The following STPG2 variants were observed in gnomAD, a reference collection of about 807,000 sequenced individuals.
STPG2 encodes sperm tail PG-rich repeat containing 2, also known as sperm-tail PG-rich repeat-containing protein 2.
In STPG2, 56 loss-of-function variants were observed where a neutral mutation model predicts 54.2. The ratio of observed to expected loss-of-function variants is 1.03; its 90% CI spans 0.83 to 1.29. The LOEUF is 1.29. Ranked by LOEUF, STPG2 falls within the 50% of genes most tolerant of loss-of-function variation. STPG2 has a pLI of 0.00. For missense variants in STPG2, 596 were observed against 544.9 expected (o/e 1.09, Z -0.93); for synonymous variants, 200 against 181.8 (o/e 1.10, Z -0.81).
rs190011850 is a variant in STPG2, at chr4:98,066,918, T to C, written c.612+39035A>G. 4.2e-3 allele frequency among the ~76,000 whole-genome samples: 647 copies of C among 152,324 alleles called. 4 individuals are homozygous for C. Among genetic ancestry groups the C allele is most frequent in the South Asian group, 0.019 (92 of 4,830 alleles). On this transcript the variant is annotated intron_variant, in intron 5 of 10. Coordinates refer to ENST00000295268, the MANE Select transcript of STPG2 (RefSeq NM_174952.3). ...GTTATGGTTCTTTTTATTAAATATA[T>C]AATATGTATTCAGAAACACAGAGAA...
Position 97,559,123 on chromosome 4 carries a change from T to G in STPG2, c.1321-6A>C. The G allele has an allele frequency of 6.3e-7, 1 of 1,583,308 alleles. No individual in the cohort carries two copies. Among genetic ancestry groups the G allele is most frequent in the Non-Finnish European group, 8.6e-7 (1 of 1,164,048 alleles). On this transcript the variant is annotated splice_region_variant and splice_polypyrimidine_tract_variant and intron_variant, in intron 10 of 10. Coordinates refer to ENST00000295268, the MANE Select transcript of STPG2 (RefSeq NM_174952.3). ...TTCTTTTTCTCCTGGGATATCTGTT[T>G]AATAAGAATGAGAAAAAAAGGAGGA...
At chr4:97,626,545 C>T (rs946437195) in intron 10 of STPG2, among the ~76,000 whole-genome samples, 1 of 152,084 alleles carries the variant, frequency 6.6e-6, no homozygotes, top group East Asian at 1.9e-4. Context: ...CTCCCCAGGG[C>T]AAAGTCTGTC....
chr4:97,475,559 T>C (rs1032094561), intron 4 of STPG2, among the ~76,000 whole-genome samples: 2 of 151,772 alleles, frequency 1.3e-5, no homozygotes, highest in African/African-American at 4.8e-5. Flanking sequence ...TTCCATATAA[T>C]ATTGTGTACT....
chr4:97,883,294 G>A (rs1448887448), intron 8 of STPG2, among the ~76,000 whole-genome samples: 3 of 151,820 alleles, frequency 2.0e-5, no homozygotes, highest in Non-Finnish European at 4.4e-5. Flanking sequence ...AAGCTGAAGT[G>A]GGAGGATTGC....
intron 10 of STPG2, among the ~76,000 whole-genome samples, chr4:97,635,762 A>G (rs1048214197): frequency 2.0e-5 from 3 of 152,138 alleles, no homozygotes; most frequent in African/African-American, 7.2e-5. Flanking sequence ...ACATAATGGT[A>G]AAGGGATCAA....
chr4:97,928,539 A>T (rs1488117285), intron 8 of STPG2, among the ~76,000 whole-genome samples: 1 of 152,202 alleles, frequency 6.6e-6, no homozygotes, highest in Admixed American at 6.5e-5. Context: ...TAAAATAAAC[A>T]GTAAAAATGT....
chr4:97,760,293 C>A (rs1725852131), intron 9 of STPG2, among the ~76,000 whole-genome samples: 1 of 152,050 alleles, frequency 6.6e-6, no homozygotes, highest in Non-Finnish European at 1.5e-5. Flanking sequence ...CCTTCCATAC[C>A]CTTCCCAGAA....
chr4:97,570,695 C>T (rs1273321778), intron 10 of STPG2, among the ~76,000 whole-genome samples: 1 of 152,094 alleles, frequency 6.6e-6, no homozygotes, highest in Non-Finnish European at 1.5e-5. Context: ...ACTCACTAAC[C>T]TTTATCTACC....
intron 4 of STPG2, among the ~76,000 whole-genome samples, chr4:97,463,949 C>T (rs1349968450): frequency 6.6e-6 from 1 of 152,112 alleles, no homozygotes; most frequent in Non-Finnish European, 1.5e-5. Flanking sequence ...ATACCGCACT[C>T]CTTTCTATTG....
At chr4:97,840,016 C>T (rs1728747859) in intron 9 of STPG2, among the ~76,000 whole-genome samples, 1 of 151,418 alleles carries the variant, frequency 6.6e-6, no homozygotes, top group Admixed American at 6.6e-5. Context: ...TAATAACTGA[C>T]TTATCTTCAT....
At chr4:98,068,604 T>C (rs915086128) in intron 5 of STPG2, among the ~76,000 whole-genome samples, 15 of 152,272 alleles carry the variant, frequency 9.9e-5, no homozygotes, top group Non-Finnish European at 1.6e-4. Flanking sequence ...TAGACATGTT[T>C]AGGGGCTCTC....
chr4:97,793,883 T>A (rs977674891), intron 9 of STPG2, among the ~76,000 whole-genome samples: 1 of 152,066 alleles, frequency 6.6e-6, no homozygotes, highest in Non-Finnish European at 1.5e-5. Flanking sequence ...AGATGTAGAA[T>A]TGTGGCTAAG....
intron 9 of STPG2, among the ~76,000 whole-genome samples, chr4:97,795,486 G>A (rs1345277144): frequency 6.6e-6 from 1 of 152,126 alleles, no homozygotes; most frequent in East Asian, 1.9e-4. Flanking sequence ...TGAGAATGAT[G>A]GTTTCCAGCT....
intron 10 of STPG2, among the ~76,000 whole-genome samples, chr4:97,645,477 G>T (rs2148948869): frequency 6.6e-6 from 1 of 152,232 alleles, no homozygotes; most frequent in Admixed American, 6.5e-5. Flanking sequence ...TATCAGAGTT[G>T]CAAATACTGT....
intron 5 of STPG2, among the ~76,000 whole-genome samples, chr4:98,076,586 A>G: frequency 6.6e-6 from 1 of 152,208 alleles, no homozygotes. Flanking sequence ...AAGCAGTTAT[A>G]GATATTTCAA....
chr4:97,868,374 C>T (rs537039413), intron 8 of STPG2, among the ~76,000 whole-genome samples: 9 of 151,908 alleles, frequency 5.9e-5, no homozygotes, highest in African/African-American at 2.2e-4. Context: ...GAGATCATGT[C>T]TTTTCAGGAG....
intron 3 of STPG2, among the ~76,000 whole-genome samples, chr4:98,115,303 T>A (rs1236625646): frequency 6.6e-6 from 1 of 151,966 alleles, no homozygotes; most frequent in Non-Finnish European, 1.5e-5. Flanking sequence ...ATGTTATCAT[T>A]AGCAAATATG....
chr4:97,685,935 A>T (rs1578479293), intron 10 of STPG2, among the ~76,000 whole-genome samples: 2 of 152,246 alleles, frequency 1.3e-5, no homozygotes, highest in East Asian at 3.8e-4. Context: ...ATTAGGTCAG[A>T]CTATATTAAA....
intron 7 of STPG2, among the ~76,000 whole-genome samples, chr4:97,957,258 G>A (rs1733715200): frequency 6.9e-6 from 1 of 145,356 alleles, no homozygotes; most frequent in Non-Finnish European, 1.5e-5. Context: ...AGTAAACAAT[G>A]GACACACTAA....
Sources: allele counts gnomAD v4.1 joint callset (sites outside exome capture counted in the v4.1 genomes callset), GRCh38; gene constraint gnomAD v4.1.1; transcripts MANE v1.5; gene names NCBI Gene and HGNC (gene_info 2026-07-23, HGNC 2026-07-21).